The following KMO variants were observed in gnomAD, a reference collection of about 807,000 sequenced individuals.
KMO encodes kynurenine 3-monooxygenase, also known as kynurenine 3-hydroxylase.
A neutral mutation model predicts 57.8 loss-of-function variants in KMO; 24 were observed. That is an observed-to-expected ratio of 0.42 (90% CI 0.30 to 0.58). The LOEUF is 0.58. Ranked by LOEUF, KMO falls within the 20% of genes least tolerant of loss-of-function variation. KMO has a pLI of 0.22. For synonymous variants in KMO, 210 were observed against 193.6 expected (o/e 1.08, Z -0.70); for missense variants, 483 against 588.2 (o/e 0.82, Z 1.85).
At chr1:241,569,630 T>C (rs779999262) in intron 10 of KMO, among the ~76,000 whole-genome samples, 17 of 152,174 alleles carry the variant, frequency 1.1e-4, no homozygotes, top group South Asian at 2.1e-4. Context: ...GGAGTGCAGA[T>C]ATCTCTTCAA....
chr1:241,543,140 C>T (rs1009000585), intron 1 of KMO, among the ~76,000 whole-genome samples: 5 of 151,966 alleles, frequency 3.3e-5, no homozygotes, highest in African/African-American at 9.7e-5. Context: ...TAACAATAAG[C>T]GGCCATGAAT....
At chr1:241,539,874 TGA>T (rs1009003116) in intron 1 of KMO, among the ~76,000 whole-genome samples, 1 of 150,698 alleles carries the variant, frequency 6.6e-6, no homozygotes, top group African/African-American at 2.5e-5. Flanking sequence ...ATTTCATTAG[TGA>T]GATTTTATCA....
At position 241,594,655 on chromosome 1, in the gene KMO, G is replaced by A. The variant is rs370823445; in HGVS notation, c.*2502G>A. 6.2e-7 allele frequency: 1 copy of A among 1,613,942 alleles called. No individual in the cohort carries two copies. Among genetic ancestry groups the A allele is most frequent in the Non-Finnish European group, 8.5e-7 (1 of 1,179,960 alleles). On this transcript the variant is annotated 3_prime_UTR_variant, in exon 15 of 15. Coordinates refer to ENST00000366559, the MANE Select transcript of KMO (RefSeq NM_003679.5). The stretch of plus-strand genomic sequence containing the variant: ...TTAGCAGGCCTCTGGCACCTCAGCA[G>A]TCGGAGGCACAGAAGCTGCAAAAGG...
At chr1:241,586,789 G>T in intron 11 of KMO, 53 bp downstream of exon 11, 1 of 1,276,844 alleles carries the variant, frequency 7.8e-7, no homozygotes, top group East Asian at 2.3e-5. Context: ...CTGACTAATT[G>T]TGGGCTTATT....
At chr1:241,537,062 A>C (rs1660778169) in intron 1 of KMO, among the ~76,000 whole-genome samples, 1 of 152,138 alleles carries the variant, frequency 6.6e-6, no homozygotes, top group Admixed American at 6.6e-5. Context: ...GCTTCATGGG[A>C]TGGAAAAAAC....
Position 241,558,298 on chromosome 1 carries a change from T to A in KMO, c.362-2367T>A, listed in dbSNP as rs550879956. Among the ~76,000 whole-genome samples the A allele has an allele frequency of 2.6e-5, 4 of 152,258 alleles. No homozygotes were observed. The East Asian group carries it at 7.7e-4, about 29-fold the overall frequency. Reference sequence around the variant, plus strand: ...ATGTGCTGCATGGCACACAATTTCATAAATGCCATAAATACATCAATAAAA... The same window carrying A: ...ATGTGCTGCATGGCACACAATTTCAAAAATGCCATAAATACATCAATAAAA... On this transcript the variant is annotated intron_variant, in intron 5 of 14. Coordinates refer to ENST00000366559, the MANE Select transcript of KMO (RefSeq NM_003679.5).
chr1:241,590,272 A>T lies in KMO; in HGVS notation c.1260+9A>T. 6.2e-7 allele frequency: 1 copy of T among 1,603,330 alleles called. No individual in the cohort carries two copies. The highest frequency in any genetic ancestry group is 8.5e-7 in the Non-Finnish European group (1 of 1,170,444). ...GGCATTGGCAAAAAAAGGTTGGAACAGTTACATTTTATTTATTTTTTAATG... is the reference window on the plus strand; with the variant it reads ...GGCATTGGCAAAAAAAGGTTGGAACTGTTACATTTTATTTATTTTTTAATG... On this transcript the variant is annotated intron_variant, in intron 14 of 14. Transcript: ENST00000366559.
intron 1 of KMO, among the ~76,000 whole-genome samples, chr1:241,539,516 A>G (rs771861459): frequency 1.3e-5 from 2 of 152,232 alleles, no homozygotes; most frequent in Non-Finnish European, 2.9e-5. Context: ...GTAGGCTCTC[A>G]AAAACATCAA....
At position 241,549,249 on chromosome 1, in the gene KMO, GAAAGAAAGAAAGA is replaced by G. The variant is rs1558414861; in HGVS notation, c.124+354_124+366del. On this transcript the variant is annotated intron_variant, in intron 2 of 14. Transcript: ENST00000366559. Reference sequence around the variant, plus strand: ...AGAAAGAAAGAAAGAAAGAAAGAAAGAAAGAAAGAAAGAAAGAAAGGAAGGAAGAAAGAAAGAA... The same window carrying G: ...AGAAAGAAAGAAAGAAAGAAAGAAAGAAGAAAGGAAGGAAGAAAGAAAGAA... 1.4e-3 allele frequency among the ~76,000 whole-genome samples: 35 copies of G among 24,994 alleles called. 1 individual carries two copies. The highest frequency in any genetic ancestry group is 3.0e-3 in the African/African-American group (31 of 10,168). 16.4% of individuals were successfully genotyped at this position (24,994 alleles called of 152,430 possible). A position where few individuals can be genotyped will look rare whatever the true frequency, so the allele number is the denominator to read the frequency against.
In KMO at chr1:241,549,501, CAACT is replaced by C. The variant is rs1301979114; in HGVS notation, c.125-174_125-171del. ...ACTAGTTTTGTTTAAAAAAAAACAC[CAACT>C]ATCTAAATTTAATTTAATATAAAGT... is the stretch of plus-strand genomic sequence containing the variant. On this transcript the variant is annotated intron_variant, in intron 2 of 14. Coordinates refer to ENST00000366559, the MANE Select transcript of KMO (RefSeq NM_003679.5). Among the ~76,000 whole-genome samples the C allele has an allele frequency of 4.0e-5, 6 of 151,688 alleles. No homozygotes were observed. In the South Asian group the frequency reaches 6.2e-4, roughly 16 times the overall value.
chr1:241,581,397 CTCT>C (rs1355953499), intron 10 of KMO, among the ~76,000 whole-genome samples: 3 of 151,918 alleles, frequency 2.0e-5, no homozygotes, highest in Non-Finnish European at 4.4e-5. Flanking sequence ...TTTGTTGGTC[CTCT>C]TCTTCTTTCT....
rs141719291 is a variant in KMO, at chr1:241,579,569, G to A, written c.958-7110G>A. Among the ~76,000 whole-genome samples, 1,386 of 152,168 alleles carry A rather than the reference G, an allele frequency of 9.1e-3. 24 individuals are homozygous for A. The highest frequency in any genetic ancestry group is 0.032 in the African/African-American group (1,334 of 41,530). On this transcript the variant is annotated intron_variant, in intron 10 of 14. Coordinates refer to ENST00000366559, the MANE Select transcript of KMO (RefSeq NM_003679.5). Reference sequence around the variant, plus strand: ...GCTCCACCCAGCTTCCATGCACTTGGCAAGGCAGGTCTTACACCCACAGTG... The same window carrying A: ...GCTCCACCCAGCTTCCATGCACTTGACAAGGCAGGTCTTACACCCACAGTG...
intron 2 of KMO, among the ~76,000 whole-genome samples, chr1:241,549,250 A>T (rs201294165): frequency 0.13 from 2,284 of 17,706 alleles, 152 homozygotes; most frequent in Admixed American, 0.28. Flanking sequence ...AGAAAGAAAG[A>T]AAGAAAGAAA....
intron 10 of KMO, among the ~76,000 whole-genome samples, chr1:241,584,443 A>G (rs945789216): frequency 1.3e-5 from 2 of 152,226 alleles, no homozygotes. Context: ...CAGTGTGGCG[A>G]TTCCTCAAGG....
chr1:241,574,780 T>C (rs1025914067), intron 10 of KMO, among the ~76,000 whole-genome samples: 2 of 152,054 alleles, frequency 1.3e-5, no homozygotes, highest in African/African-American at 4.8e-5. Context: ...ACTGGCTTCA[T>C]AGAATGAGTT....
At chr1:241,589,497 G>A (rs1474761244) in intron 12 of KMO, among the ~76,000 whole-genome samples, 1 of 152,164 alleles carries the variant, frequency 6.6e-6, no homozygotes, top group Non-Finnish European at 1.5e-5. Flanking sequence ...GAGCAAAATT[G>A]CATCAGATGT....
At chr1:241,562,929 AGGAAGGAAGGAGAC>A (rs1558421444) in intron 7 of KMO, among the ~76,000 whole-genome samples, 24 of 65,606 alleles carry the variant, frequency 3.7e-4, no homozygotes, top group South Asian at 1.8e-3. Context: ...GAAGGAAGGA[AGGAAGGAAGGAGAC>A]GGGAAGGGAA....
Position 241,595,233 on chromosome 1 carries a change from T to C in KMO, c.*3080T>C, listed in dbSNP as rs1422720448. The C allele has an allele frequency of 1.3e-5, 2 of 152,356 alleles. No homozygotes were observed. The highest frequency in any genetic ancestry group is 1.3e-4 in the Admixed American group (2 of 15,280). 9.4% of individuals were successfully genotyped at this position (152,356 alleles called of 1,614,324 possible). On this transcript the variant is annotated 3_prime_UTR_variant, in exon 15 of 15. Coordinates refer to ENST00000366559, the MANE Select transcript of KMO (RefSeq NM_003679.5). ...ACAGCACTAATGTCATCAACAAACA[T>C]TGTTCTTCTCCGTGTCCTGGGTACA...
intron 6 of KMO, 94 bp downstream of exon 6, chr1:241,560,846 T>A: frequency 1.2e-6 from 1 of 833,804 alleles, no homozygotes; most frequent in Non-Finnish European, 2.0e-6. Context: ...TTGAAAGAGT[T>A]AAAAGATTAT....
Sources: gnomAD v4.1 joint callset for allele counts (sites outside exome capture counted in the v4.1 genomes callset) on GRCh38, gnomAD v4.1.1 for gene constraint, MANE v1.5 for transcripts, NCBI Gene and HGNC (gene_info 2026-07-23, HGNC 2026-07-21) for gene names.